Variants in PARD3B observed in about 807,000 individuals in gnomAD.
PARD3B encodes the protein par-3 family cell polarity regulator beta.
A neutral mutation model predicts 130.2 loss-of-function variants in PARD3B; 103 were observed. The ratio of observed to expected loss-of-function variants is 0.79; its 90% CI spans 0.67 to 0.93. The LOEUF is 0.93. PARD3B is among the 40% of genes least tolerant of loss of function. The pLI is 0.00. For synonymous variants in PARD3B, 583 were observed against 553.2 expected (o/e 1.05, Z -0.76); for missense variants, 1,609 against 1,499.2 (o/e 1.07, Z -1.21).
chr2:205,331,360 G>A (rs1031332357), intron 18 of PARD3B, among the ~76,000 whole-genome samples: 7 of 151,914 alleles, frequency 4.6e-5, no homozygotes, highest in Non-Finnish European at 4.4e-5. Context: ...AAACCCCTGA[G>A]CAGGCAGTAG....
chr2:204,897,437 G>A (rs1242674415), intron 2 of PARD3B, among the ~76,000 whole-genome samples: 1 of 139,014 alleles, frequency 7.2e-6, no homozygotes, highest in Non-Finnish European at 1.5e-5. Flanking sequence ...TTTACTGAAA[G>A]GAGAGAAAGA....
chr2:204,754,044 T>A (rs2040569542), intron 2 of PARD3B, among the ~76,000 whole-genome samples: 1 of 152,166 alleles, frequency 6.6e-6, no homozygotes, highest in Non-Finnish European at 1.5e-5. Flanking sequence ...GTCTGTAAAG[T>A]TACTGTGGCT....
chr2:204,766,065 C>T (rs899123160), intron 2 of PARD3B, among the ~76,000 whole-genome samples: 1 of 152,130 alleles, frequency 6.6e-6, no homozygotes, highest in African/African-American at 2.4e-5. Context: ...AAACTTGATA[C>T]TTGAATTTGT....
chr2:205,372,602 A>G (rs849201), intron 18 of PARD3B, among the ~76,000 whole-genome samples: 40,254 of 152,226 alleles, frequency 0.26, 7,336 homozygotes, highest in African/African-American at 0.52. Context: ...TTTGGTTTAT[A>G]TAAAGTTTCC....
At chr2:205,476,046 A>C (rs2049011168) in intron 20 of PARD3B, among the ~76,000 whole-genome samples, 1 of 152,212 alleles carries the variant, frequency 6.6e-6, no homozygotes, top group South Asian at 2.1e-4. Flanking sequence ...GTGGTCAAAA[A>C]TGAAGAAAAC....
At chr2:205,186,004 G>A (rs375772832) in intron 14 of PARD3B, 141 bp downstream of exon 14, 19 of 679,248 alleles carry the variant, frequency 2.8e-5, no homozygotes, top group Middle Eastern at 2.8e-4. Context: ...CCTTTCCAGC[G>A]AAAGCTTCAG....
rs79195267 is a variant in PARD3B, at chr2:205,141,024, C to A, written c.1434+15287C>A. Among the ~76,000 whole-genome samples, 1,074 of 152,206 alleles carry A rather than the reference C, an allele frequency of 7.1e-3. 15 individuals carry two copies. Among genetic ancestry groups the A allele is most frequent in the African/African-American group, 0.024 (1,014 of 41,536 alleles). ...ATTATGGGAAGAACTCTACATCCAC[C>A]GGGATAACGGATGGTGTCAAGAACT... On this transcript the variant is annotated intron_variant, in intron 10 of 22. Transcript: ENST00000406610.
At chr2:205,320,687 A>G (rs1341075695) in intron 18 of PARD3B, among the ~76,000 whole-genome samples, 1 of 152,228 alleles carries the variant, frequency 6.6e-6, no homozygotes, top group East Asian at 1.9e-4. Flanking sequence ...TTTACAATAT[A>G]GAGACATTGA....
intron 4 of PARD3B, among the ~76,000 whole-genome samples, chr2:205,059,300 A>G (rs1353580119): frequency 6.6e-6 from 1 of 151,964 alleles, no homozygotes; most frequent in African/African-American, 2.4e-5. Context: ...ATCACAACCT[A>G]TATGCTTAGC....
At chr2:205,555,521 A>G (rs1199008001) in intron 22 of PARD3B, among the ~76,000 whole-genome samples, 1 of 152,214 alleles carries the variant, frequency 6.6e-6, no homozygotes. Flanking sequence ...AGTATATTTT[A>G]GGATTAAACA....
chr2:205,555,347 G>A (rs775728123), intron 22 of PARD3B, among the ~76,000 whole-genome samples: 33 of 152,204 alleles, frequency 2.2e-4, no homozygotes, highest in Non-Finnish European at 4.4e-4. Flanking sequence ...CACAGTCCCA[G>A]TCCATCCTCA....
At chr2:204,627,669 GT>G (rs1022207714) in intron 1 of PARD3B, among the ~76,000 whole-genome samples, 32 of 151,996 alleles carry the variant, frequency 2.1e-4, no homozygotes, top group African/African-American at 7.7e-4. Context: ...TTTATTGATA[GT>G]TTTTTTCCCT....
intron 10 of PARD3B, among the ~76,000 whole-genome samples, chr2:205,149,742 C>A (rs1208460780): frequency 1.3e-5 from 2 of 152,146 alleles, no homozygotes; most frequent in Non-Finnish European, 2.9e-5. Flanking sequence ...ACCTTCTGGG[C>A]CCTGGTTGCT....
intron 19 of PARD3B, among the ~76,000 whole-genome samples, chr2:205,428,811 T>C (rs2047231801): frequency 6.6e-6 from 1 of 152,140 alleles, no homozygotes; most frequent in Non-Finnish European, 1.5e-5. Context: ...CCCAGAAATA[T>C]GTATTTCCTA....
In PARD3B at chr2:205,263,508, A is replaced by T. The variant is rs11901919; in HGVS notation, c.2185+17686A>T. On this transcript the variant is annotated intron_variant, in intron 16 of 22. Coordinates refer to ENST00000406610, the MANE Select transcript of PARD3B (RefSeq NM_001302769.2). The surrounding 1 kb of genome is among the most constrained non-coding windows in gnomAD (Gnocchi z 4.0). Reference sequence around the variant, plus strand: ...ACCTTCAATATGGAACAATTATATGACCACATGCAAAAAGAAAAGAAAAAA... The same window carrying T: ...ACCTTCAATATGGAACAATTATATGTCCACATGCAAAAAGAAAAGAAAAAA... Among the ~76,000 whole-genome samples, 32,624 of 150,800 alleles carry T rather than the reference A, an allele frequency of 0.22. 4,656 individuals are homozygous for T. The highest frequency in any genetic ancestry group is 0.32 in the African/African-American group (13,209 of 41,030).
In PARD3B at chr2:205,616,861, G is replaced by A. The variant is rs143613867; in HGVS notation, c.*1048G>A. The A allele has an allele frequency of 3.2e-4, 50 of 154,152 alleles. No homozygotes were observed. Among genetic ancestry groups the A allele is most frequent in the Non-Finnish European group, 5.6e-4 (38 of 68,264 alleles). The allele number at this position is 154,152 out of a possible 1,614,324, so 9.5% of individuals were successfully genotyped here. A position where few individuals can be genotyped will look rare whatever the true frequency, so the allele number is the denominator to read the frequency against. On this transcript the variant is annotated 3_prime_UTR_variant, in exon 23 of 23. Coordinates refer to ENST00000406610, the MANE Select transcript of PARD3B (RefSeq NM_001302769.2). Reference sequence around the variant, plus strand: ...CGAGGAGCTGACCATGGCCTCTGATGACCAGCAGGTATTAGATGGAAGTGA... The same window carrying A: ...CGAGGAGCTGACCATGGCCTCTGATAACCAGCAGGTATTAGATGGAAGTGA...
At chr2:204,990,070 T>C (rs1693520476) in intron 3 of PARD3B, among the ~76,000 whole-genome samples, 1 of 152,122 alleles carries the variant, frequency 6.6e-6, no homozygotes, top group Non-Finnish European at 1.5e-5. Flanking sequence ...AGTTTTTACA[T>C]GGTCAGCAAA....
At position 204,823,590 on chromosome 2, in the gene PARD3B, T is replaced by C. The variant is rs138670519; in HGVS notation, c.222+137308T>C. On this transcript the variant is annotated intron_variant, in intron 2 of 22. Coordinates refer to ENST00000406610, the MANE Select transcript of PARD3B (RefSeq NM_001302769.2). ...TGTGGATGCATACTGGGGAGCTGTA[T>C]TCTGCTTATTGGCACTGATACTTAT... is the stretch of plus-strand genomic sequence containing the variant. Among the ~76,000 whole-genome samples the C allele has an allele frequency of 2.8e-3, 423 of 152,216 alleles. 1 individual carries two copies. Among genetic ancestry groups the C allele is most frequent in the Non-Finnish European group, 4.6e-3 (310 of 68,012 alleles).
intron 22 of PARD3B, among the ~76,000 whole-genome samples, chr2:205,586,107 T>C (rs1171997231): frequency 6.6e-6 from 1 of 152,222 alleles, no homozygotes; most frequent in African/African-American, 2.4e-5. Context: ...GATTTACCCA[T>C]CTTGACAAAT....
Sources: gnomAD v4.1 joint callset for allele counts (sites outside exome capture counted in the v4.1 genomes callset) on GRCh38, gnomAD v4.1.1 for gene constraint, Gnocchi (gnomAD v3.1) non-coding constraint, MANE v1.5 for transcripts, NCBI Gene and HGNC (gene_info 2026-07-23, HGNC 2026-07-21) for gene names.